EZH1: variants seen among roughly 807,000 people sequenced by gnomAD.
The protein encoded by EZH1 is enhancer of zeste 1 polycomb repressive complex 2 subunit.
A neutral mutation model predicts 100.5 loss-of-function variants in EZH1; 33 were observed. That is an observed-to-expected ratio of 0.33 (90% CI 0.25 to 0.44). EZH1 has a LOEUF of 0.44. Among genes scored for constraint, EZH1 ranks in the 20% least tolerant of loss-of-function variants. EZH1 has a pLI of 1.00. For missense variants in EZH1, 475 were observed against 928.4 expected (o/e 0.51, Z 6.35); for synonymous variants, 272 against 313.8 (o/e 0.87, Z 1.41).
chr17:42,702,864 A>C lies in EZH1; in HGVS notation c.2183+13T>G, dbSNP rs769110070. On this transcript the variant is annotated intron_variant, in intron 20 of 20. Coordinates refer to ENST00000428826, the MANE Select transcript of EZH1 (RefSeq NM_001991.5). ...CCTGGGCCACATCCCAAGGACCATT[A>C]CTGGCACCTCACCTGTAATCAAAGA... 2.5e-6 allele frequency: 4 copies of C among 1,613,662 alleles called. No homozygotes were observed. The highest frequency in any genetic ancestry group is 3.4e-6 in the Non-Finnish European group (4 of 1,179,718).
chr17:42,733,380 G>A (rs1405936263), intron 1 of EZH1, among the ~76,000 whole-genome samples: 1 of 150,782 alleles, frequency 6.6e-6, no homozygotes, highest in Non-Finnish European at 1.5e-5. Flanking sequence ...GCTCACGCCT[G>A]TAATCCCAGC....
intron 1 of EZH1, among the ~76,000 whole-genome samples, chr17:42,741,464 G>A (rs1043529529): frequency 3.9e-5 from 6 of 152,182 alleles, no homozygotes; most frequent in Admixed American, 1.3e-4. Context: ...CCCTCGGCCT[G>A]CTCCCAAAGT....
chr17:42,739,885 G>A (rs560296089), intron 1 of EZH1, among the ~76,000 whole-genome samples: 4 of 151,396 alleles, frequency 2.6e-5, no homozygotes, highest in African/African-American at 9.7e-5. Context: ...CCAGGTTCAC[G>A]CCATTCTCCT....
intron 1 of EZH1, among the ~76,000 whole-genome samples, chr17:42,736,747 C>T (rs2054072251): frequency 1.3e-5 from 2 of 151,180 alleles, no homozygotes; most frequent in Admixed American, 1.3e-4. Flanking sequence ...GCAGGAGAAT[C>T]GCTTGAACCT....
chr17:42,707,809 T>C (rs1204699719), intron 15 of EZH1, 149 bp downstream of exon 15: 1 of 941,878 alleles, frequency 1.1e-6, no homozygotes, highest in African/African-American at 1.7e-5. Context: ...CCAGATCTCA[T>C]GCACTTATTT....
In EZH1 at chr17:42,718,436, C is replaced by G; in HGVS notation, c.931+18G>C. The G allele has an allele frequency of 6.2e-7, 1 of 1,612,028 alleles. No homozygotes were observed. The highest frequency in any genetic ancestry group is 8.5e-7 in the Non-Finnish European group (1 of 1,179,474). On this transcript the variant is annotated intron_variant, in intron 9 of 20. Transcript: ENST00000428826. The surrounding 1 kb of genome is among the most constrained non-coding windows in gnomAD (Gnocchi z 4.2). ...ATGGAAGAGAGGAGAGCATTTCAAA[C>G]AGAGTAGCCCCACTCACGGTGAAGG...
chr17:42,724,514 G>A, intron 4 of EZH1, 90 bp from the exon 5 acceptor site: 2 of 1,492,194 alleles, frequency 1.3e-6, no homozygotes, highest in Admixed American at 3.6e-5. Context: ...GCTGGGCATA[G>A]TGGCTCATGC....
intron 1 of EZH1, among the ~76,000 whole-genome samples, chr17:42,738,286 C>T (rs1306326582): frequency 3.3e-5 from 5 of 151,774 alleles, no homozygotes; most frequent in Non-Finnish European, 7.4e-5. Flanking sequence ...CATAAGGTGT[C>T]CCTTTGCAGA....
At chr17:42,727,861 G>T in intron 3 of EZH1, 98 bp from the exon 4 acceptor site, 1 of 935,820 alleles carries the variant, frequency 1.1e-6, no homozygotes, top group Non-Finnish European at 1.4e-6. Flanking sequence ...TTGTCACCCA[G>T]GCTGGAGTGT....
At chr17:42,713,034 T>C (rs2053517625) in intron 11 of EZH1, among the ~76,000 whole-genome samples, 175 bp downstream of exon 11, 1 of 109,900 alleles carries the variant, frequency 9.1e-6, no homozygotes, top group African/African-American at 3.8e-5. Flanking sequence ...CGAGAGACTG[T>C]TTCAAAAAAA....
chr17:42,707,563 T>A (rs1330069174), intron 15 of EZH1, among the ~76,000 whole-genome samples: 1 of 152,042 alleles, frequency 6.6e-6, no homozygotes, highest in Non-Finnish European at 1.5e-5. Context: ...CTGGCCTAAT[T>A]TTTTTATTTT....
chr17:42,722,042 G>A (rs557450179), intron 6 of EZH1, among the ~76,000 whole-genome samples: 2 of 151,542 alleles, frequency 1.3e-5, no homozygotes, highest in South Asian at 2.1e-4. Flanking sequence ...CAGCTACCTC[G>A]GGAGGCTGAG....
At chr17:42,709,439 A>G in intron 13 of EZH1, 1 of 179,806 alleles carries the variant, frequency 5.6e-6, no homozygotes, top group Non-Finnish European at 1.2e-5. Context: ...AAAACTTCCA[A>G]CCTAAGTAAA....
chr17:42,717,228 A>T (rs532050350), intron 10 of EZH1, among the ~76,000 whole-genome samples: 2 of 152,184 alleles, frequency 1.3e-5, no homozygotes, highest in Non-Finnish European at 2.9e-5. Flanking sequence ...CATTAGGAAA[A>T]AATAAACCCA....
At position 42,718,431 on chromosome 17, in the gene EZH1, TCAAA is replaced by T. The variant is rs752731903; in HGVS notation, c.931+19_931+22del. On this transcript the variant is annotated intron_variant, in intron 9 of 20. Coordinates refer to ENST00000428826, the MANE Select transcript of EZH1 (RefSeq NM_001991.5). This position sits in a 1 kb window ranked among gnomAD's most constrained non-coding sequence, Gnocchi z 4.2. ...TGGGGATGGAAGAGAGGAGAGCATT[TCAAA>T]CAGAGTAGCCCCACTCACGGTGAAG... 46 of 1,611,820 alleles carry T rather than the reference TCAAA, an allele frequency of 2.9e-5. No individual in the cohort carries two copies. Among genetic ancestry groups the T allele is most frequent in the Non-Finnish European group, 3.8e-5 (45 of 1,179,396 alleles).
intron 7 of EZH1, 83 bp downstream of exon 7, chr17:42,720,190 A>G (rs1382417359): frequency 1.4e-6 from 2 of 1,459,360 alleles, no homozygotes; most frequent in Non-Finnish European, 1.8e-6. Flanking sequence ...ACAGCCTTTA[A>G]TAGGCAACAA....
chr17:42,706,402 T>C lies in EZH1; in HGVS notation c.1661-217A>G, dbSNP rs1225212927. 3.9e-5 allele frequency among the ~76,000 whole-genome samples: 6 copies of C among 152,132 alleles called. No homozygotes were observed. The East Asian group carries it at 1.2e-3, about 29-fold the overall frequency. Reference sequence around the variant, plus strand: ...TGCCTTCGAGTCAAAAAAGCAGGTGTGGTCAAGCATGGTGGCTCATGCCTG... The same window carrying C: ...TGCCTTCGAGTCAAAAAAGCAGGTGCGGTCAAGCATGGTGGCTCATGCCTG... On this transcript the variant is annotated intron_variant, in intron 15 of 20. Coordinates refer to ENST00000428826, the MANE Select transcript of EZH1 (RefSeq NM_001991.5). This position sits in a 1 kb window ranked among gnomAD's most constrained non-coding sequence, Gnocchi z 4.4.
At position 42,743,405 on chromosome 17, in the gene EZH1, G is replaced by T. The variant is rs1049128022; in HGVS notation, c.-103+1606C>A. Among the ~76,000 whole-genome samples, 3 of 147,906 alleles carry T rather than the reference G, an allele frequency of 2.0e-5. No homozygotes were observed. In the East Asian group the frequency reaches 6.0e-4, roughly 30 times the overall value. On this transcript the variant is annotated intron_variant, in intron 1 of 20. Coordinates refer to ENST00000428826, the MANE Select transcript of EZH1 (RefSeq NM_001991.5). ...AGGCTGGTCTCAAACTCCTGGGCTC[G>T]AGTGAACGGTCCACCTCAGCCTCCC...
intron 10 of EZH1, among the ~76,000 whole-genome samples, chr17:42,714,875 A>ATT (rs2053561197): frequency 7.1e-6 from 1 of 141,534 alleles, no homozygotes; most frequent in Non-Finnish European, 1.5e-5. Context: ...ATTTTTATAT[A>ATT]TTATATATAT....
Sources: allele counts gnomAD v4.1 joint callset (sites outside exome capture counted in the v4.1 genomes callset), GRCh38; gene constraint gnomAD v4.1.1; non-coding constraint Gnocchi (gnomAD v3.1); transcripts MANE v1.5; gene names NCBI Gene and HGNC (gene_info 2026-07-23, HGNC 2026-07-21).